The following CNTN5 variants were observed in gnomAD, a reference collection of about 807,000 sequenced individuals.
CNTN5 encodes contactin 5.
Under a neutral mutation model 129.1 loss-of-function variants are expected in CNTN5, and 77 were observed. The observed-to-expected ratio is 0.60, with a 90% CI of 0.50 to 0.72. The LOEUF is 0.72. Among genes scored for constraint, CNTN5 ranks in the 30% least tolerant of loss-of-function variants. The pLI, the probability that CNTN5 is intolerant of heterozygous loss-of-function variation, is 0.00. For synonymous variants in CNTN5, 509 were observed against 465.6 expected (o/e 1.09, Z -1.20); for missense variants, 1,478 against 1,328.8 (o/e 1.11, Z -1.75).
At chr11:100,232,951 AAAC>A (rs1949523906) in intron 16 of CNTN5, among the ~76,000 whole-genome samples, 1 of 152,176 alleles carries the variant, frequency 6.6e-6, no homozygotes, top group Non-Finnish European at 1.5e-5. Context: ...TATCACATAA[AAAC>A]AATATGAAAA....
chr11:99,244,849 T>G (rs1861737945), intron 1 of CNTN5, among the ~76,000 whole-genome samples: 1 of 152,198 alleles, frequency 6.6e-6, no homozygotes, highest in Non-Finnish European at 1.5e-5. Flanking sequence ...ACCTCTCTCC[T>G]ATTCCTTCCT....
At chr11:99,884,942 A>G (rs973885721) in intron 6 of CNTN5, among the ~76,000 whole-genome samples, 12 of 151,978 alleles carry the variant, frequency 7.9e-5, no homozygotes, top group East Asian at 7.7e-4. Context: ...GTACCACTGC[A>G]CTCCACCCTC....
At chr11:99,955,422 T>C (rs1164003094) in intron 7 of CNTN5, among the ~76,000 whole-genome samples, 1 of 152,084 alleles carries the variant, frequency 6.6e-6, no homozygotes, top group Admixed American at 6.5e-5. Context: ...AACTGGGTGA[T>C]GGTAACAGTA....
At position 99,294,204 on chromosome 11, in the gene CNTN5, T is replaced by C. The variant is rs186768100; in HGVS notation, c.-209-31142T>C. ...GCATGTTGTTTAATTTTCATATATT[T>C]AGTGGTTCCAAAGTTTCTCTTGTTT... On this transcript the variant is annotated intron_variant, in intron 1 of 24. Coordinates refer to ENST00000524871, the MANE Select transcript of CNTN5 (RefSeq NM_014361.4). 5.9e-5 allele frequency among the ~76,000 whole-genome samples: 9 copies of C among 152,262 alleles called. No homozygotes were observed. The East Asian group carries it at 1.7e-3, about 29-fold the overall frequency.
At chr11:99,738,853 T>C (rs7102651) in intron 3 of CNTN5, among the ~76,000 whole-genome samples, 29,340 of 152,138 alleles carry the variant, frequency 0.19, 3,151 homozygotes, top group African/African-American at 0.29. Flanking sequence ...AAAAAATGTA[T>C]GTCAAAAGTT....
intron 6 of CNTN5, among the ~76,000 whole-genome samples, chr11:99,913,696 G>C (rs917473299): frequency 2.0e-5 from 3 of 151,960 alleles, no homozygotes; most frequent in Non-Finnish European, 2.9e-5. Context: ...TTAATTTCTA[G>C]GGCATGCCTG....
intron 16 of CNTN5, among the ~76,000 whole-genome samples, chr11:100,231,107 C>A (rs906527739): frequency 6.6e-6 from 1 of 152,076 alleles, no homozygotes; most frequent in African/African-American, 2.4e-5. Context: ...GAGGGAGACA[C>A]GGTGGGACAG....
intron 18 of CNTN5, among the ~76,000 whole-genome samples, chr11:100,294,621 T>C (rs559432774): frequency 6.6e-6 from 1 of 151,718 alleles, no homozygotes; most frequent in Non-Finnish European, 1.5e-5. Context: ...TGCTTAATCC[T>C]GGATTCAAAT....
chr11:100,188,587 A>G (rs1302666246), intron 13 of CNTN5, among the ~76,000 whole-genome samples: 1 of 152,174 alleles, frequency 6.6e-6, no homozygotes, highest in Admixed American at 6.5e-5. Context: ...AGACAAAAAC[A>G]ACAGATGCTG....
chr11:99,077,531 C>T (rs998460103), intron 1 of CNTN5, among the ~76,000 whole-genome samples: 3 of 152,052 alleles, frequency 2.0e-5, no homozygotes, highest in African/African-American at 7.2e-5. Flanking sequence ...TAGAAAATGA[C>T]CAAATTCTTA....
chr11:99,424,567 A>G (rs1217948563), intron 2 of CNTN5, among the ~76,000 whole-genome samples: 1 of 152,212 alleles, frequency 6.6e-6, no homozygotes, highest in African/African-American at 2.4e-5. Context: ...GCTCCATGTG[A>G]GGCTGCAGCT....
chr11:99,166,759 C>CCTTT (rs1860892540), intron 1 of CNTN5, among the ~76,000 whole-genome samples: 1 of 143,938 alleles, frequency 6.9e-6, no homozygotes, highest in Non-Finnish European at 1.5e-5. Flanking sequence ...TTTCCTTTTT[C>CCTTT]TTTTTTTTTT....
intron 1 of CNTN5, among the ~76,000 whole-genome samples, chr11:99,300,122 C>A (rs1864567123): frequency 6.6e-6 from 1 of 151,818 alleles, no homozygotes; most frequent in Non-Finnish European, 1.5e-5. Flanking sequence ...CTTTTTCTTG[C>A]CTGATTGTTG....
At chr11:100,039,390 T>C (rs890052603) in intron 9 of CNTN5, among the ~76,000 whole-genome samples, 4 of 152,174 alleles carry the variant, frequency 2.6e-5, no homozygotes, top group East Asian at 1.9e-4. Context: ...TTCTCTCTGG[T>C]TGCCCTTAAC....
intron 6 of CNTN5, among the ~76,000 whole-genome samples, chr11:99,900,427 TGATA>T (rs1026854025): frequency 5.9e-5 from 9 of 152,112 alleles, no homozygotes; most frequent in African/African-American, 2.2e-4. Context: ...GGATTCAGTT[TGATA>T]GTATTTTGTT....
At chr11:100,095,274 G>T (rs1444338807) in intron 13 of CNTN5, among the ~76,000 whole-genome samples, 1 of 152,214 alleles carries the variant, frequency 6.6e-6, no homozygotes, top group African/African-American at 2.4e-5. Flanking sequence ...AAACTAACTA[G>T]AAGTCTTGTT....
intron 3 of CNTN5, among the ~76,000 whole-genome samples, chr11:99,689,295 AGGCG>A (rs1953929578): frequency 6.6e-6 from 1 of 152,064 alleles, no homozygotes; most frequent in Admixed American, 6.6e-5. Context: ...AGGGAGGCCA[AGGCG>A]GGCAGATCAC....
chr11:100,039,433 G>C (rs1032072538), intron 9 of CNTN5, among the ~76,000 whole-genome samples: 8 of 152,192 alleles, frequency 5.3e-5, no homozygotes, highest in Admixed American at 4.6e-4. Flanking sequence ...TGGTGAATCT[G>C]ACAAATATGT....
At chr11:99,638,829 C>T (rs545595782) in intron 3 of CNTN5, among the ~76,000 whole-genome samples, 1 of 152,152 alleles carries the variant, frequency 6.6e-6, no homozygotes, top group African/African-American at 2.4e-5. Flanking sequence ...TCACGGGCTG[C>T]GTTTGAGTGT....
Sources: allele counts gnomAD v4.1 joint callset (sites outside exome capture counted in the v4.1 genomes callset), GRCh38; gene constraint gnomAD v4.1.1; transcripts MANE v1.5; gene names NCBI Gene and HGNC (gene_info 2026-07-23, HGNC 2026-07-21).